The following AGMO variants were observed in gnomAD, a reference collection of about 807,000 sequenced individuals.
AGMO encodes the protein glyceryl-ether monooxygenase.
AGMO carries 75 observed loss-of-function variants against 60.2 expected under a neutral mutation model. The observed-to-expected ratio is 1.25, with a 90% CI of 1.03 to 1.51. The LOEUF is 1.51. Among genes scored for constraint, AGMO ranks in the 40% most tolerant of loss-of-function variants. The pLI, the probability that AGMO is intolerant of heterozygous loss-of-function variation, is 0.00. For missense variants in AGMO, 763 were observed against 525.5 expected (o/e 1.45, Z -4.42); for synonymous variants, 261 against 177.1 (o/e 1.47, Z -3.76).
chr7:15,281,157 G>C (rs530821017), intron 12 of AGMO, among the ~76,000 whole-genome samples: 5 of 152,166 alleles, frequency 3.3e-5, no homozygotes, highest in African/African-American at 1.2e-4. Context: ...ACTTTCCACA[G>C]GTGGAAAGTT....
chr7:15,159,640 G>C, the AGMO span, among the ~76,000 whole-genome samples: 2 of 152,170 alleles, frequency 1.3e-5, no homozygotes, highest in Admixed American at 6.5e-5. Context: ...TGAGGCATGT[G>C]GCTGTCCCAC....
chr7:15,484,108 G>C (rs1407536287), intron 3 of AGMO, among the ~76,000 whole-genome samples: 1 of 152,036 alleles, frequency 6.6e-6, no homozygotes, highest in Non-Finnish European at 1.5e-5. Context: ...TATCATCAAA[G>C]AGCCTTCCAA....
chr7:15,462,894 A>T (rs1220710605), intron 3 of AGMO, among the ~76,000 whole-genome samples: 2 of 152,110 alleles, frequency 1.3e-5, no homozygotes, highest in Non-Finnish European at 2.9e-5. Context: ...CAATGAGTCA[A>T]ATTTCCTGGA....
chr7:15,163,905 G>A, the AGMO span, among the ~76,000 whole-genome samples: 6 of 152,008 alleles, frequency 3.9e-5, no homozygotes, highest in Non-Finnish European at 7.4e-5. Flanking sequence ...ATTGGTGCCA[G>A]CTCTTTTTTG....
intron 12 of AGMO, among the ~76,000 whole-genome samples, chr7:15,230,332 A>C (rs540218736): frequency 1.3e-5 from 2 of 152,094 alleles, no homozygotes; most frequent in Non-Finnish European, 2.9e-5. Context: ...TGTCTGCAAA[A>C]TTTAAGGTAA....
intron 3 of AGMO, among the ~76,000 whole-genome samples, chr7:15,487,526 G>T (rs1444875051): frequency 6.6e-6 from 1 of 151,946 alleles, no homozygotes; most frequent in Non-Finnish European, 1.5e-5. Flanking sequence ...CATATATCAG[G>T]TATCATGTTT....
At chr7:15,276,162 C>T (rs1783780063) in intron 12 of AGMO, among the ~76,000 whole-genome samples, 1 of 152,080 alleles carries the variant, frequency 6.6e-6, no homozygotes, top group Admixed American at 6.5e-5. Context: ...TTTGTAATGG[C>T]AAGTGCTATA....
chr7:15,203,241 G>A (rs955820598), intron 12 of AGMO, among the ~76,000 whole-genome samples: 3 of 151,788 alleles, frequency 2.0e-5, no homozygotes, highest in South Asian at 2.1e-4. Flanking sequence ...CTTTCATCTC[G>A]ACTTCCAGTA....
intron 12 of AGMO, among the ~76,000 whole-genome samples, chr7:15,300,513 A>T (rs1438488729): frequency 2.0e-5 from 3 of 152,176 alleles, no homozygotes; most frequent in African/African-American, 7.2e-5. Context: ...CTGAAAAAAA[A>T]ATCAAGAAAA....
At chr7:15,547,457 C>G (rs1394931430) in intron 2 of AGMO, among the ~76,000 whole-genome samples, 1 of 151,920 alleles carries the variant, frequency 6.6e-6, no homozygotes, top group African/African-American at 2.4e-5. Flanking sequence ...TCAGTGGGTG[C>G]GCGCACCGTG....
chr7:15,122,373 G>A, the AGMO span, among the ~76,000 whole-genome samples: 78 of 152,138 alleles, frequency 5.1e-4, no homozygotes, highest in African/African-American at 1.7e-3. Flanking sequence ...TGCAGTCACC[G>A]TCTTTGTTCA....
intron 12 of AGMO, among the ~76,000 whole-genome samples, chr7:15,233,440 G>A (rs1782318327): frequency 6.6e-6 from 1 of 152,106 alleles, no homozygotes; most frequent in African/African-American, 2.4e-5. Flanking sequence ...GACTGAGGGA[G>A]GGATTCGAAT....
In AGMO at chr7:15,446,300, G is replaced by A. The variant is rs369422829; in HGVS notation, c.410-15192C>T. On this transcript the variant is annotated intron_variant, in intron 3 of 12. Transcript: ENST00000342526. ...CAATGATTTAAGTACATTTCTCCTA[G>A]TAATTCTCTCTTTCCCTGTGATCAG... Among the ~76,000 whole-genome samples the A allele has an allele frequency of 1.2e-4, 18 of 152,190 alleles. No homozygotes were observed. The South Asian group carries it at 3.5e-3, about 30-fold the overall frequency.
At chr7:15,170,056 G>T in the AGMO span, among the ~76,000 whole-genome samples, 1 of 152,320 alleles carries the variant, frequency 6.6e-6, no homozygotes, top group African/African-American at 2.4e-5. Flanking sequence ...CTTTTAGGGA[G>T]ATTGGAGTAG....
At chr7:15,362,630 G>A (rs1035047038) in intron 12 of AGMO, among the ~76,000 whole-genome samples, 1 of 152,146 alleles carries the variant, frequency 6.6e-6, no homozygotes, top group African/African-American at 2.4e-5. Flanking sequence ...AGAACTGGCC[G>A]TGCATGTGCC....
the AGMO span, among the ~76,000 whole-genome samples, chr7:15,171,701 A>G: frequency 6.6e-6 from 1 of 152,210 alleles, no homozygotes; most frequent in Admixed American, 6.5e-5. Context: ...CTAGTATTAT[A>G]CCATGTGTGT....
chr7:15,193,688 A>C, the AGMO span, among the ~76,000 whole-genome samples: 1 of 152,174 alleles, frequency 6.6e-6, no homozygotes. Context: ...ATCTTTACTG[A>C]TATTTGTCTA....
intron 12 of AGMO, among the ~76,000 whole-genome samples, chr7:15,250,923 C>A (rs1782913429): frequency 6.7e-6 from 1 of 149,806 alleles, no homozygotes; most frequent in Admixed American, 6.7e-5. Context: ...CCAGCCTAGG[C>A]AATAAGAGCA....
chr7:15,454,357 C>CCACA (rs71004380), intron 3 of AGMO, among the ~76,000 whole-genome samples: 30,663 of 149,090 alleles, frequency 0.21, 3,487 homozygotes, highest in Middle Eastern at 0.3. Context: ...AGTGTTCTCA[C>CCACA]CACACACACA....
Sources: gnomAD v4.1 joint callset for allele counts (sites outside exome capture counted in the v4.1 genomes callset) on GRCh38, gnomAD v4.1.1 for gene constraint, MANE v1.5 for transcripts, NCBI Gene and HGNC (gene_info 2026-07-23, HGNC 2026-07-21) for gene names.